The following CNBD1 variants were observed in gnomAD, a reference collection of about 807,000 sequenced individuals.
CNBD1 encodes the protein cyclic nucleotide binding domain containing 1, also known as cyclic nucleotide-binding domain-containing protein 1.
CNBD1 carries 71 observed loss-of-function variants against 54.4 expected under a neutral mutation model. The observed-to-expected ratio is 1.30, with a 90% confidence interval of 1.08 to 1.59. CNBD1 has a LOEUF of 1.59. Ranked by LOEUF, CNBD1 falls within the 40% of genes most tolerant of loss-of-function variation. The pLI, the probability that CNBD1 is intolerant of heterozygous loss-of-function variation, is 0.00. For synonymous variants in CNBD1, 182 were observed against 170.7 expected, an observed-to-expected ratio of 1.07 and a Z score of -0.51; for missense variants, 659 against 518.0, an observed-to-expected ratio of 1.27 and a Z score of -2.64.
intron 3 of CNBD1, among the ~76,000 whole-genome samples, chr8:86,919,918 A>G (rs2131823448): frequency 1.3e-5 from 2 of 152,240 alleles, no homozygotes; most frequent in Middle Eastern, 6.8e-3. Flanking sequence ...GTTTCTAACA[A>G]GCTACCAGCT....
intron 10 of CNBD1, among the ~76,000 whole-genome samples, chr8:87,362,358 G>A (rs1810538900): frequency 6.6e-6 from 1 of 152,078 alleles, no homozygotes; most frequent in African/African-American, 2.4e-5. Flanking sequence ...TACCAGATGT[G>A]TTTATCCAAG....
chr8:86,989,590 A>G (rs1808695065), intron 4 of CNBD1, among the ~76,000 whole-genome samples: 1 of 152,114 alleles, frequency 6.6e-6, no homozygotes, highest in Non-Finnish European at 1.5e-5. Context: ...AGCTGGGATT[A>G]CAGGCACATG....
intron 4 of CNBD1, among the ~76,000 whole-genome samples, chr8:87,091,550 T>C (rs1811203078): frequency 6.6e-6 from 1 of 152,216 alleles, no homozygotes; most frequent in Non-Finnish European, 1.5e-5. Context: ...TCATCTTGAC[T>C]CTTGAGTCTT....
rs543428435 is a variant in CNBD1 at position 87,388,645 on chromosome 8, A to G, written c.213+34859A>G. Among the ~76,000 whole-genome samples, 271 of 152,210 alleles carry G rather than the reference A, an allele frequency of 1.8e-3. 1 individual carries two copies. Among genetic ancestry groups the G allele is most frequent in the African/African-American group, 6.1e-3 (254 of 41,560 alleles). On this transcript the variant is annotated intron_variant, in intron 2 of 7. Coordinates refer to the CNBD1 transcript ENST00000521593. Reference sequence around the variant, plus strand: ...ACCAAAAAAAGTCCAGGGCCAGATGAATTCACAGCCGAATTCTACCAGAGG... The same window carrying G: ...ACCAAAAAAAGTCCAGGGCCAGATGGATTCACAGCCGAATTCTACCAGAGG...
At chr8:86,912,666 A>G (rs1157247071) in intron 3 of CNBD1, among the ~76,000 whole-genome samples, 2 of 152,192 alleles carry the variant, frequency 1.3e-5, no homozygotes, top group African/African-American at 4.8e-5. Context: ...ATTTACTATA[A>G]CTTTTATTGT....
At chr8:87,279,979 T>C (rs1183845794) in intron 6 of CNBD1, among the ~76,000 whole-genome samples, 1 of 151,566 alleles carries the variant, frequency 6.6e-6, no homozygotes, top group African/African-American at 2.4e-5. Flanking sequence ...AGATATTTTT[T>C]TTCTATAATT....
In CNBD1 at chr8:87,058,847, A is replaced by G. The variant is rs547209133; in HGVS notation, c.431+119093A>G. 3.9e-5 allele frequency among the ~76,000 whole-genome samples: 6 copies of G among 152,274 alleles called. No individual in the cohort carries two copies. The South Asian group carries it at 1.2e-3, about 32-fold the overall frequency. ...TTTCCCTATTGTTTTGGAGATTAAC[A>G]TTTGGCTTATTGTTACTTATGCAAA... On this transcript the variant is annotated intron_variant, in intron 4 of 10. Coordinates refer to ENST00000518476, the MANE Select transcript of CNBD1 (RefSeq NM_173538.3).
At chr8:87,385,054 T>G (rs531517861), downstream of CNBD1, among the ~76,000 whole-genome samples, 1 of 152,184 alleles carries the variant, frequency 6.6e-6, no homozygotes, top group Non-Finnish European at 1.5e-5. Flanking sequence ...GGGTTCTATA[T>G]GCAAAATAGA....
At chr8:86,920,608 C>T (rs1243518225) in intron 3 of CNBD1, among the ~76,000 whole-genome samples, 1 of 152,148 alleles carries the variant, frequency 6.6e-6, no homozygotes, top group African/African-American at 2.4e-5. Context: ...CCAAAGGCAG[C>T]CTGACCCAAG....
In CNBD1 at chr8:87,287,244, A is replaced by T. The variant is rs369696126; in HGVS notation, c.1042+573A>T. ...TGTGTACACAAAAAGTGTAGGTGGTATTGAGTCATTTTGCATGATTTGTCC... is the reference window on the plus strand; with the variant it reads ...TGTGTACACAAAAAGTGTAGGTGGTTTTGAGTCATTTTGCATGATTTGTCC... On this transcript the variant is annotated intron_variant, in intron 8 of 10. Transcript: ENST00000518476. Among the ~76,000 whole-genome samples, 8 of 152,294 alleles carry T rather than the reference A, an allele frequency of 5.3e-5. No homozygotes were observed. In the East Asian group the frequency reaches 9.7e-4, roughly 18 times the overall value.
chr8:87,395,048 G>A (rs556816292), intron 2 of CNBD1, among the ~76,000 whole-genome samples: 8 of 151,766 alleles, frequency 5.3e-5, no homozygotes, highest in East Asian at 1.9e-4. Flanking sequence ...AAAGCACTTC[G>A]CTTAATGTTT....
chr8:87,169,060 G>A (rs186416287), intron 4 of CNBD1, among the ~76,000 whole-genome samples: 277 of 152,038 alleles, frequency 1.8e-3, no homozygotes, highest in Middle Eastern at 6.8e-3. Flanking sequence ...GCATAACAGG[G>A]TTCCCTTTTC....
intron 6 of CNBD1, among the ~76,000 whole-genome samples, chr8:87,277,599 G>C (rs988097703): frequency 5.9e-5 from 9 of 151,654 alleles, no homozygotes; most frequent in African/African-American, 2.2e-4. Context: ...GGAGTCCTGG[G>C]TCTGTCAAGT....
At chr8:87,082,066 C>T (rs1392214351) in intron 4 of CNBD1, among the ~76,000 whole-genome samples, 2 of 152,310 alleles carry the variant, frequency 1.3e-5, no homozygotes, top group African/African-American at 4.8e-5. Flanking sequence ...CCAAGCTAAG[C>T]CATCATCACC....
At chr8:87,342,311 T>A (rs1390927533) in intron 8 of CNBD1, among the ~76,000 whole-genome samples, 1 of 151,940 alleles carries the variant, frequency 6.6e-6, no homozygotes, top group South Asian at 2.1e-4. Context: ...ATCTGTGTAC[T>A]CTTGTTGAAT....
intron 10 of CNBD1, among the ~76,000 whole-genome samples, chr8:87,359,838 T>C (rs1269560959): frequency 6.6e-6 from 1 of 151,980 alleles, no homozygotes; most frequent in East Asian, 1.9e-4. Context: ...TACATAGGTG[T>C]TAGGAATAAT....
chr8:87,414,525 TAAATA>T (rs1807805399), intron 2 of CNBD1, among the ~76,000 whole-genome samples: 1 of 151,940 alleles, frequency 6.6e-6, no homozygotes, highest in South Asian at 2.1e-4. Flanking sequence ...AGTATAATAA[TAAATA>T]AAAAAAGAAA....
intron 4 of CNBD1, among the ~76,000 whole-genome samples, chr8:86,978,985 A>G (rs546735743): frequency 2.6e-5 from 4 of 152,312 alleles, no homozygotes; most frequent in South Asian, 2.1e-4. Context: ...GAGTTATACA[A>G]TGTAACTTTT....
intron 4 of CNBD1, among the ~76,000 whole-genome samples, chr8:86,989,067 T>A (rs1030078594): frequency 6.6e-6 from 1 of 151,962 alleles, no homozygotes; most frequent in Non-Finnish European, 1.5e-5. Flanking sequence ...ACTTTGGAGT[T>A]TGAGACAAGC....
Sources: allele counts gnomAD v4.1 joint callset (sites outside exome capture counted in the v4.1 genomes callset), GRCh38; gene constraint gnomAD v4.1.1; transcripts MANE v1.5; gene names NCBI Gene and HGNC (gene_info 2026-07-23, HGNC 2026-07-21).